The following KHDRBS2 variants were observed in gnomAD, a reference collection of about 807,000 sequenced individuals.
The protein encoded by KHDRBS2 is KH domain-containing, RNA-binding, signal transduction-associated protein 2.
In KHDRBS2, 26 loss-of-function variants were observed where a neutral mutation model predicts 44.3. That is an observed-to-expected ratio of 0.59 (90% confidence interval 0.43 to 0.81). The LOEUF is 0.81. Among genes scored for constraint, KHDRBS2 ranks in the 40% least tolerant of loss-of-function variants. The probability of loss-of-function intolerance (pLI) is 0.00; values close to 1 mark genes in which losing one functional copy is unlikely to be tolerated. For missense variants in KHDRBS2, 476 were observed against 433.1 expected, an observed-to-expected ratio of 1.10 and a Z score of -0.88; for synonymous variants, 194 against 151.1, an observed-to-expected ratio of 1.28 and a Z score of -2.08.
intron 6 of KHDRBS2, among the ~76,000 whole-genome samples, chr6:61,863,806 T>C (rs1275316834): frequency 6.6e-6 from 1 of 152,192 alleles, no homozygotes; most frequent in Non-Finnish European, 1.5e-5. Context: ...ATCCACTTGC[T>C]CCAGAGCTGA....
intron 6 of KHDRBS2, among the ~76,000 whole-genome samples, chr6:61,774,951 G>T (rs905879826): frequency 1.3e-5 from 2 of 152,234 alleles, no homozygotes; most frequent in Admixed American, 6.5e-5. Context: ...CCATGATCAA[G>T]TGGGCTTCAA....
intron 1 of KHDRBS2, among the ~76,000 whole-genome samples, chr6:62,255,564 A>T (rs1837236720): frequency 6.6e-6 from 1 of 150,654 alleles, no homozygotes; most frequent in Non-Finnish European, 1.5e-5. Context: ...ACTATTAACA[A>T]CCATGCAGTG....
chr6:62,166,815 G>A (rs1307970460), intron 2 of KHDRBS2, among the ~76,000 whole-genome samples: 1 of 151,866 alleles, frequency 6.6e-6, no homozygotes. Flanking sequence ...TACATAAAAA[G>A]CCACTCCTAC....
At chr6:61,708,595 T>C (rs1362048408) in intron 7 of KHDRBS2, among the ~76,000 whole-genome samples, 1 of 151,646 alleles carries the variant, frequency 6.6e-6, no homozygotes, top group East Asian at 1.9e-4. Context: ...TGAATAATGT[T>C]ACATGGAAAG....
intron 3 of KHDRBS2, among the ~76,000 whole-genome samples, chr6:62,034,935 A>T (rs554778505): frequency 6.6e-6 from 1 of 152,038 alleles, no homozygotes; most frequent in Non-Finnish European, 1.5e-5. Flanking sequence ...CTACAATGAG[A>T]TATCATCTGA....
chr6:61,812,943 A>G (rs1788359558), intron 6 of KHDRBS2, among the ~76,000 whole-genome samples: 1 of 152,026 alleles, frequency 6.6e-6, no homozygotes, highest in Non-Finnish European at 1.5e-5. Context: ...GATCATGATA[A>G]TTTAAGTTAC....
At chr6:61,894,909 C>T in intron 5 of KHDRBS2, 76 bp from the exon 6 acceptor site, 1 of 900,526 alleles carries the variant, frequency 1.1e-6, no homozygotes. Flanking sequence ...AAGTTTTCAT[C>T]TCACAGCCTC....
chr6:61,997,939 T>C (rs1777528245), intron 3 of KHDRBS2, among the ~76,000 whole-genome samples: 1 of 152,192 alleles, frequency 6.6e-6, no homozygotes, highest in Admixed American at 6.5e-5. Context: ...AGAAAAATGC[T>C]TAGAACAAAG....
intron 2 of KHDRBS2, among the ~76,000 whole-genome samples, chr6:62,099,727 A>C (rs1801431298): frequency 6.6e-6 from 1 of 152,154 alleles, no homozygotes; most frequent in African/African-American, 2.4e-5. Flanking sequence ...AGACCAGCCC[A>C]GCAGTGTGGT....
At chr6:62,280,453 T>C (rs1361134644) in intron 1 of KHDRBS2, among the ~76,000 whole-genome samples, 19 of 151,940 alleles carry the variant, frequency 1.3e-4, no homozygotes, top group Admixed American at 1.2e-3. Context: ...AGGTCAACAG[T>C]GGAAAGTGCA....
intron 4 of KHDRBS2, among the ~76,000 whole-genome samples, chr6:61,968,413 G>A (rs10484623): frequency 0.27 from 41,228 of 151,830 alleles, 6,080 homozygotes; most frequent in African/African-American, 0.37. Flanking sequence ...GTGATTTCAC[G>A]AATGGGTGTA....
chr6:61,894,466 T>A (rs1190509259), intron 6 of KHDRBS2, among the ~76,000 whole-genome samples, 169 bp downstream of exon 6: 4 of 152,202 alleles, frequency 2.6e-5, no homozygotes, highest in Non-Finnish European at 5.9e-5. Flanking sequence ...TGAAACCTTT[T>A]CTCAAAATGC....
At chr6:61,691,780 T>C (rs1418668398) in intron 8 of KHDRBS2, among the ~76,000 whole-genome samples, 1 of 152,100 alleles carries the variant, frequency 6.6e-6, no homozygotes, top group Admixed American at 6.6e-5. Flanking sequence ...CAGGCCTTAT[T>C]TTCACACAGG....
At chr6:61,558,302 C>T in the KHDRBS2 span, among the ~76,000 whole-genome samples, 1 of 152,082 alleles carries the variant, frequency 6.6e-6, no homozygotes, top group Non-Finnish European at 1.5e-5. Flanking sequence ...TGGCTCACAC[C>T]TGTTATTCCA....
chr6:62,240,255 C>T (rs1834379391), intron 1 of KHDRBS2, among the ~76,000 whole-genome samples: 1 of 152,082 alleles, frequency 6.6e-6, no homozygotes, highest in South Asian at 2.1e-4. Flanking sequence ...CTCCTTTGTG[C>T]TTCTAATATA....
chr6:61,558,641 T>A, the KHDRBS2 span, among the ~76,000 whole-genome samples: 1 of 152,302 alleles, frequency 6.6e-6, no homozygotes, highest in Non-Finnish European at 1.5e-5. Flanking sequence ...TTTCAAGAAA[T>A]TTTTCAAGTT....
At chr6:62,196,061 C>T (rs1432938191) in intron 1 of KHDRBS2, among the ~76,000 whole-genome samples, 1 of 152,046 alleles carries the variant, frequency 6.6e-6, no homozygotes, top group African/African-American at 2.4e-5. Context: ...AGCCAATGAC[C>T]TCAAGGTTTC....
chr6:61,845,028 A>T (rs1794173076), intron 6 of KHDRBS2, among the ~76,000 whole-genome samples: 1 of 152,176 alleles, frequency 6.6e-6, no homozygotes, highest in Non-Finnish European at 1.5e-5. Flanking sequence ...AAGGAAAAAA[A>T]CTACTTGACA....
At chr6:62,059,390 T>C (rs901138716) in intron 2 of KHDRBS2, among the ~76,000 whole-genome samples, 5 of 150,836 alleles carry the variant, frequency 3.3e-5, no homozygotes, top group African/African-American at 1.2e-4. Flanking sequence ...TTGTTTGGTG[T>C]AAGCTCGATA....
Sources: allele counts gnomAD v4.1 joint callset (sites outside exome capture counted in the v4.1 genomes callset), GRCh38; gene constraint gnomAD v4.1.1; transcripts MANE v1.5; gene names NCBI Gene and HGNC (gene_info 2026-07-23, HGNC 2026-07-21).